Variants in LILRB2 observed in about 807,000 individuals in gnomAD.
LILRB2 encodes the protein leukocyte immunoglobulin-like receptor subfamily B member 2.
A neutral mutation model predicts 72.7 loss-of-function variants in LILRB2; 47 were observed. The ratio of observed to expected loss-of-function variants is 0.65; its 90% confidence interval spans 0.51 to 0.82. The LOEUF (loss-of-function observed/expected upper bound fraction) is 0.82, where lower values mean the gene tolerates loss of function less well. Ranked by LOEUF, LILRB2 falls within the 40% of genes least tolerant of loss-of-function variation. The probability of loss-of-function intolerance (pLI) is 0.00; values close to 1 mark genes in which losing one functional copy is unlikely to be tolerated. For missense variants in LILRB2, 767 were observed against 764.8 expected (o/e 1.00, Z -0.03); for synonymous variants, 279 against 313.7 (o/e 0.89, Z 1.17).
rs367721811 is a variant in LILRB2, at chr19:54,278,959, G to A, written c.808C>T (p.Arg270Trp). 29 of 1,614,050 alleles carry A rather than the reference G, an allele frequency of 1.8e-5. No individual in the cohort carries two copies. The highest frequency in any genetic ancestry group is 4.0e-5 in the African/African-American group (3 of 74,926). Residue 270 changes from arginine to tryptophan, a missense_variant, in exon 6 of 14, where the codon CGG becomes TGG. Around this residue, in one of 3 missense-constraint regions of LILRB2, gnomAD observed 599 missense variants for 568.2 expected, o/e 1.05. Transcript: ENST00000314446. ...TGGGAGAGCCCAGCCTGGGGCTGCCGGCCAGGGAGCTGGCGAAGGTCACGT... is the reference window on the plus strand; with the variant it reads ...TGGGAGAGCCCAGCCTGGGGCTGCCAGCCAGGGAGCTGGCGAAGGTCACGT... ...GERDLRQLPG[R>W]QPQAGLSQAN...
chr19:54,277,572 G>C lies in LILRB2; in HGVS notation c.1335C>G (p.Pro445=), dbSNP rs781388755. 121 of 1,576,684 alleles carry C rather than the reference G, an allele frequency of 7.7e-5. No homozygotes were observed. Among genetic ancestry groups the C allele is most frequent in the Non-Finnish European group, 9.1e-5 (106 of 1,160,248 alleles). The change falls in exon 9 of 14, where the codon CCC becomes CCG. Residue 445 remains proline (P), a synonymous_variant. Transcript: ENST00000314446. ...TPGPEDQPLT[P]TGSDPQSGLG... is the part of the protein sequence containing the mutation. The stretch of plus-strand genomic sequence containing the variant: ...CACCACTTTGGGGATCCGACCCAGT[G>C]GGGGTGAGGGGCTGGTCCTCAGGGC...
chr19:54,278,718 A>T, intron 6 of LILRB2, 94 bp downstream of exon 6: 1 of 1,486,190 alleles, frequency 6.7e-7, no homozygotes, highest in Non-Finnish European at 9.0e-7. Context: ...CCTTGGGACC[A>T]CCCCCCGCCT....
Position 54,278,271 on chromosome 19 carries a change from A to G in LILRB2, c.1247T>C (p.Leu416Pro). 1.2e-6 allele frequency: 2 copies of G among 1,614,132 alleles called. No homozygotes were observed. The highest frequency in any genetic ancestry group is 1.7e-6 in the Non-Finnish European group (2 of 1,180,018). The change falls in exon 7 of 14, where the codon CTC (leucine) becomes CCC (proline). Residue 416 changes from leucine to proline, a missense_variant. This residue lies in a region of LILRB2 where 599 missense variants were observed against 568.2 expected (regional missense o/e 1.05). Coordinates refer to ENST00000314446, the MANE Select transcript of LILRB2 (RefSeq NM_001080978.4). Reference protein sequence around the residue: ...LLSHPSEPLELVVSGPSMGSS... With the variant: ...LLSHPSEPLEPVVSGPSMGSS... ...GTCAAGGCCCCCACCTGAGACCACG[A>G]GCTCCAGGGGCTCACTGGGGTGAGA...
intron 13 of LILRB2, chr19:54,275,340 A>G (rs2080171916): frequency 1.8e-6 from 1 of 547,490 alleles, no homozygotes; most frequent in Non-Finnish European, 3.4e-6. Flanking sequence ...CTCTGCCTGC[A>G]GGGGCTCGTC....
In LILRB2 at chr19:54,274,721, C is replaced by T; in HGVS notation, c.1756G>A (p.Ala586Thr). The change falls in exon 14 of 14, where the codon GCT becomes ACT. Residue 586 changes from alanine (A) to threonine (T), a missense_variant. Physicochemically the swap from Ala to Thr is moderately conservative, Grantham distance 58 (BLOSUM62 0). Coordinates refer to ENST00000314446, the MANE Select transcript of LILRB2 (RefSeq NM_001080978.4). Reference protein sequence around the residue: ...PPPSQEREPPAEPSIYATLAI... With the variant: ...PPPSQEREPPTEPSIYATLAI... Reference sequence around the variant, plus strand: ...AGGGTGGCGTAGATGCTGGGCTCAGCTGGAGGTTCCCTTTCCTGGGATGGA... The same window carrying T: ...AGGGTGGCGTAGATGCTGGGCTCAGTTGGAGGTTCCCTTTCCTGGGATGGA... The T allele has an allele frequency of 1.2e-6, 2 of 1,613,944 alleles. No homozygotes were observed. The highest frequency in any genetic ancestry group is 1.7e-6 in the Non-Finnish European group (2 of 1,180,034).
chr19:54,278,713 G>A, intron 6 of LILRB2, 99 bp downstream of exon 6: 1 of 1,543,292 alleles, frequency 6.5e-7, no homozygotes, highest in South Asian at 1.2e-5. Flanking sequence ...CCCTCCCTTG[G>A]GACCACCCCC....
chr19:54,277,992 C>T, intron 7 of LILRB2, 53 bp from the exon 8 acceptor site: 9 of 1,349,548 alleles, frequency 6.7e-6, no homozygotes, highest in Non-Finnish European at 8.0e-6. Context: ...CTGAAGTCTC[C>T]ACCTCAAACC....
In LILRB2 at chr19:54,274,562, A is replaced by G; in HGVS notation, c.*121T>C. On this transcript the variant is annotated 3_prime_UTR_variant, in exon 14 of 14. Transcript: ENST00000314446. ...GTCCCAAAGTTCCCAGCATCTCCTCATGGTCTTTGTTAGGGGTCCAGGCTG... is the reference window on the plus strand; with the variant it reads ...GTCCCAAAGTTCCCAGCATCTCCTCGTGGTCTTTGTTAGGGGTCCAGGCTG... 6.5e-7 allele frequency: 1 copy of G among 1,541,222 alleles called. No individual in the cohort carries two copies. The highest frequency in any genetic ancestry group is 8.8e-7 in the Non-Finnish European group (1 of 1,140,512).
rs201113515 is a variant in LILRB2, at chr19:54,278,837, G to A, written c.930C>T (p.Ser310=). Residue 310 remains serine (S), a synonymous_variant, in exon 6 of 14, where the codon AGC becomes AGT. Transcript: ENST00000314446. ...HNLSSECSAP[S]DPLDILITGQ... ...CTGTGATCAGGATGTCCAGGGGGTC[G>A]CTGGGGGCCGAGCACTCAGAGGAGA... 4.3e-5 allele frequency: 70 copies of A among 1,612,758 alleles called. No homozygotes were observed. Among genetic ancestry groups the A allele is most frequent in the African/African-American group, 2.3e-4 (17 of 74,988 alleles).
At chr19:54,280,404 T>C (rs1207669542) in intron 2 of LILRB2, 59 bp downstream of exon 2, 1 of 1,613,884 alleles carries the variant, frequency 6.2e-7, no homozygotes, top group South Asian at 1.1e-5. Flanking sequence ...GGACCAGAGT[T>C]TGGCTGTGGG....
Position 54,280,065 on chromosome 19 carries a change from G to C in LILRB2, c.81C>G (p.Pro27=). 1 of 1,613,794 alleles carries C rather than the reference G, an allele frequency of 6.2e-7. No homozygotes were observed. The highest frequency in any genetic ancestry group is 8.5e-7 in the Non-Finnish European group (1 of 1,179,802). ...PRTRVQTGTI[P]KPTLWAEPDS... ...CTGGCTCAGCCCACAGGGTGGGCTTGGGGATGGTCCCTGGAAGGAAATCAA... is the reference window on the plus strand; with the variant it reads ...CTGGCTCAGCCCACAGGGTGGGCTTCGGGATGGTCCCTGGAAGGAAATCAA... The change falls in exon 4 of 14, where the codon CCC becomes CCG. Residue 27 remains proline (P), a synonymous_variant. Transcript: ENST00000314446.
Position 54,279,520 on chromosome 19 carries a change from A to T in LILRB2, c.483T>A (p.Asp161Glu), listed in dbSNP as rs373032. The T allele has an allele frequency of 0.2, 327,011 of 1,612,928 alleles. 36,060 individuals carry two copies. Among genetic ancestry groups the T allele is most frequent in the South Asian group, 0.31 (28,034 of 90,746 alleles). ...GGGAGTTCAGGCATTGTGGGTGTTC[A>T]TCTTCTCCTTCCTTACACAGAATGA... ...GGFILCKEGE[D>E]EHPQCLNSQP... Residue 161 changes from aspartate (D) to glutamate (E), a missense_variant, in exon 5 of 14, where the codon GAT becomes GAA. Coordinates refer to ENST00000314446, the MANE Select transcript of LILRB2 (RefSeq NM_001080978.4).
Position 54,280,031 on chromosome 19 carries a change from T to C in LILRB2, c.115A>G (p.Ile39Val). 6.2e-7 allele frequency: 1 copy of C among 1,614,052 alleles called. No individual in the cohort carries two copies. Among genetic ancestry groups the C allele is most frequent in the South Asian group, 1.1e-5 (1 of 91,086 alleles). Residue 39 changes from isoleucine (I) to valine (V), a missense_variant, in exon 4 of 14, where the codon ATC (isoleucine) becomes GTC (valine). Coordinates refer to ENST00000314446, the MANE Select transcript of LILRB2 (RefSeq NM_001080978.4). ...AGGGTGACGGGACTCCCCTGGGTGA[T>C]CACAGAGTCTGGCTCAGCCCACAGG... is the stretch of plus-strand genomic sequence containing the variant. ...PTLWAEPDSV[I>V]TQGSPVTLSC...
At position 54,279,857 on chromosome 19, in the gene LILRB2, C is replaced by G. The variant is rs2147788475; in HGVS notation, c.289G>C (p.Gly97Arg). 2 of 1,614,138 alleles carry G rather than the reference C, an allele frequency of 1.2e-6. No homozygotes were observed. The highest frequency in any genetic ancestry group is 1.7e-6 in the Non-Finnish European group (2 of 1,180,016). ...SITWEHTGRY[G>R]CQYYSRARWS... The stretch of plus-strand genomic sequence containing the variant: ...CGAGCGCGGCTGTAATACTGACAGC[C>G]ATATCGCCCTGTGTGTTCCCAGGTG... Residue 97 changes from glycine to arginine, a missense_variant, in exon 4 of 14, where the codon GGC becomes CGC. By Grantham distance (125) the Gly-to-Arg change is moderately radical. Coordinates refer to ENST00000314446, the MANE Select transcript of LILRB2 (RefSeq NM_001080978.4).
At chr19:54,275,243 C>T in intron 13 of LILRB2, 1 of 867,210 alleles carries the variant, frequency 1.2e-6, no homozygotes, top group Middle Eastern at 3.7e-4. Context: ...CTCTGCTCCT[C>T]ACTTTGACCT....
In LILRB2 at chr19:54,277,510, C is replaced by T. The variant is rs7249967; in HGVS notation, c.1357+40G>A. On this transcript the variant is annotated intron_variant, in intron 9 of 13. Transcript: ENST00000314446. ...AGGACAGAACCCACCCCTGCCTCCC[C>T]GGGACCCCGCCCACCTCCCACTCAG... 0.021 allele frequency: 32,412 copies of T among 1,553,416 alleles called. 3,160 individuals carry two copies. In the African/African-American group the frequency reaches 0.29, roughly 14 times the overall value.
In LILRB2 at chr19:54,280,089, A is replaced by G. The variant is rs1555910462; in HGVS notation, c.71-14T>C. On this transcript the variant is annotated splice_polypyrimidine_tract_variant and intron_variant, in intron 3 of 13. Transcript: ENST00000314446. Reference sequence around the variant, plus strand: ...TGGGGATGGTCCCTGGAAGGAAATCAAAGGTCAGATTCGAAGTCATTTCCC... The same window carrying G: ...TGGGGATGGTCCCTGGAAGGAAATCGAAGGTCAGATTCGAAGTCATTTCCC... 6.2e-7 allele frequency: 1 copy of G among 1,613,210 alleles called. No individual in the cohort carries two copies. Among genetic ancestry groups the G allele is most frequent in the East Asian group, 2.2e-5 (1 of 44,852 alleles).
At chr19:54,278,598 C>A (rs751857828) in intron 6 of LILRB2, 36 bp from the exon 7 acceptor site, 9 of 1,609,658 alleles carry the variant, frequency 5.6e-6, no homozygotes, top group East Asian at 2.2e-5. Flanking sequence ...GGCTGCCCCA[C>A]CTTGCTCTGA....
Position 54,277,019 on chromosome 19 carries a change from C to T in LILRB2, c.1358-90G>A, listed in dbSNP as rs2080263899. On this transcript the variant is annotated intron_variant, in intron 9 of 13. Coordinates refer to ENST00000314446, the MANE Select transcript of LILRB2 (RefSeq NM_001080978.4). ...TGACTGCTGGACCTTCTGTTCACCA[C>T]CTCCAACCCCCACAACAGTCGTGCA... is the stretch of plus-strand genomic sequence containing the variant. 6 of 1,523,048 alleles carry T rather than the reference C, an allele frequency of 3.9e-6. 1 individual carries two copies. Among genetic ancestry groups the T allele is most frequent in the Middle Eastern group, 3.7e-4 (2 of 5,338 alleles). The allele number at this position is 1,523,048 out of a possible 1,614,324, so 94.3% of individuals were successfully genotyped here.
Sources: allele counts gnomAD v4.1 joint callset, GRCh38; gene constraint gnomAD v4.1.1; regional missense constraint gnomAD v4.1.1; transcripts MANE v1.5; gene names NCBI Gene and HGNC (gene_info 2026-07-23, HGNC 2026-07-21).